The following SCN10A variants were observed in gnomAD, a reference collection of about 807,000 sequenced individuals.
The protein encoded by SCN10A is sodium voltage-gated channel alpha subunit 10.
A neutral mutation model predicts 170.7 loss-of-function variants in SCN10A; 162 were observed. The ratio of observed to expected loss-of-function variants is 0.95; its 90% CI spans 0.84 to 1.08. The LOEUF (loss-of-function observed/expected upper bound fraction) is 1.08. Ranked by LOEUF, SCN10A falls within the 50% of genes least tolerant of loss-of-function variation. SCN10A has a pLI of 0.00. For synonymous variants in SCN10A, 985 were observed against 904.6 expected (o/e 1.09, Z -1.59); for missense variants, 2,527 against 2,436.9 (o/e 1.04, Z -0.78).
At chr3:38,753,542 G>A (rs2063771540) in intron 11 of SCN10A, among the ~76,000 whole-genome samples, 1 of 152,118 alleles carries the variant, frequency 6.6e-6, no homozygotes, top group South Asian at 2.1e-4. Flanking sequence ...GCCTGATCCT[G>A]TTTAGCAACC....
chr3:38,786,385 A>C (rs2064202187), intron 4 of SCN10A, among the ~76,000 whole-genome samples: 1 of 152,010 alleles, frequency 6.6e-6, no homozygotes. Flanking sequence ...AGAACAGAAA[A>C]CCAAACACCG....
At chr3:38,790,514 T>C (rs1245881985) in intron 3 of SCN10A, among the ~76,000 whole-genome samples, 1 of 152,032 alleles carries the variant, frequency 6.6e-6, no homozygotes, top group African/African-American at 2.4e-5. Context: ...CCAGATGTAA[T>C]TCAACCAGAA....
chr3:38,756,780 A>G lies in SCN10A; in HGVS notation c.1184T>C (p.Val395Ala). 3.7e-6 allele frequency: 6 copies of G among 1,614,152 alleles called. No individual in the cohort carries two copies. The highest frequency in any genetic ancestry group is 5.1e-6 in the Non-Finnish European group (6 of 1,180,020). Residue 395 changes from valine to alanine, a missense_variant, in exon 10 of 28, where the codon GTA becomes GCA. Transcript: ENST00000449082. ...CTGCTCCTCATACGCCATGGTGACT[A>G]CAGCCAAGATCAAGTTGACCAGGTA... is the stretch of plus-strand genomic sequence containing the variant. ...SFYLVNLILAVVTMAYEEQNQ... is the reference protein window; with the variant it reads ...SFYLVNLILAAVTMAYEEQNQ...
rs1421981232 is a variant in SCN10A at position 38,698,277 on chromosome 3, G to A, written c.4943C>T (p.Ala1648Val). The A allele has an allele frequency of 6.2e-7, 1 of 1,614,016 alleles. No homozygotes were observed. The highest frequency in any genetic ancestry group is 2.2e-5 in the East Asian group (1 of 44,892). Residue 1648 changes from alanine to valine, a missense_variant, in exon 28 of 28, where the codon GCC becomes GTC. Transcript: ENST00000449082. ...IDDMFNFQTFANSMLCLFQIT... is the reference protein window; with the variant it reads ...IDDMFNFQTFVNSMLCLFQIT... ...CTGGAAGAGGCACAGCATGCTGTTG[G>A]CGAAGGTCTGGAAGTTGAACATGTC...
chr3:38,767,395 A>G (rs12635859), intron 5 of SCN10A, among the ~76,000 whole-genome samples: 30,357 of 151,646 alleles, frequency 0.2, 3,658 homozygotes, highest in East Asian at 0.4. Context: ...CTTTCCTCTT[A>G]GCACTGCTTT....
intron 22 of SCN10A, among the ~76,000 whole-genome samples, chr3:38,712,785 T>C (rs9818087): frequency 0.21 from 32,305 of 152,146 alleles, 3,657 homozygotes; most frequent in African/African-American, 0.27. Context: ...TCTCCTTAAA[T>C]ACCATACATA....
chr3:38,758,850 C>T (rs2063838000), intron 8 of SCN10A, among the ~76,000 whole-genome samples: 1 of 151,994 alleles, frequency 6.6e-6, no homozygotes, highest in Non-Finnish European at 1.5e-5. Context: ...ATGGACCCAA[C>T]AACTTTACCA....
rs749207703 is a variant in SCN10A at position 38,714,065 on chromosome 3, G to A, written c.3697C>T (p.Leu1233Phe). The A allele has an allele frequency of 8.7e-6, 14 of 1,614,214 alleles. No individual in the cohort carries two copies. Among genetic ancestry groups the A allele is most frequent in the Non-Finnish European group, 1.0e-5 (12 of 1,180,038 alleles). Residue 1233 changes from leucine to phenylalanine, a missense_variant, in exon 22 of 28, where the codon CTC becomes TTC. Physicochemically the swap from Leu to Phe is conservative, Grantham distance 22. Transcript: ENST00000449082. ...GAATATTCCAGAATCTTCGCTGTGA[G>A]ACTTATCAGTGAGATCTGAGTGCAG... Reference protein sequence around the residue: ...FLIVNISLISLTAKILEYSEV... With the variant: ...FLIVNISLISFTAKILEYSEV...
chr3:38,764,605 T>C (rs1456099711), intron 5 of SCN10A, among the ~76,000 whole-genome samples: 6 of 152,234 alleles, frequency 3.9e-5, no homozygotes, highest in Admixed American at 3.3e-4. Context: ...ATTTTCTTTA[T>C]GCACTTGTTG....
intron 4 of SCN10A, among the ~76,000 whole-genome samples, chr3:38,778,971 C>T (rs79919374): frequency 0.012 from 1,805 of 152,018 alleles, 23 homozygotes; most frequent in Non-Finnish European, 0.02. Context: ...TACAAAATCT[C>T]CTAAAGAATG....
chr3:38,701,787 A>T, intron 27 of SCN10A, 52 bp downstream of exon 27: 1 of 1,522,712 alleles, frequency 6.6e-7, no homozygotes, highest in Non-Finnish European at 8.8e-7. Flanking sequence ...AGAGCATCCC[A>T]AAGACCCCCA....
chr3:38,757,934 G>A (rs1237540532), intron 8 of SCN10A, among the ~76,000 whole-genome samples: 1 of 152,210 alleles, frequency 6.6e-6, no homozygotes, highest in East Asian at 1.9e-4. Context: ...TCAGCTCAGG[G>A]AGCGTAAAGT....
At chr3:38,804,664 T>C (rs1389808283) in intron 1 of SCN10A, among the ~76,000 whole-genome samples, 4 of 152,094 alleles carry the variant, frequency 2.6e-5, no homozygotes, top group African/African-American at 9.7e-5. Context: ...AGGAAGCACA[T>C]GTAGCTGAAT....
At chr3:38,743,396 T>A (rs187568429) in intron 13 of SCN10A, among the ~76,000 whole-genome samples, 1 of 152,294 alleles carries the variant, frequency 6.6e-6, no homozygotes, top group East Asian at 1.9e-4. Context: ...CAGGTAAACA[T>A]GCTTTAATTA....
chr3:38,712,327 C>A lies in SCN10A; in HGVS notation c.3923G>T (p.Trp1308Leu). 1 of 1,614,208 alleles carries A rather than the reference C, an allele frequency of 6.2e-7. No individual in the cohort carries two copies. The highest frequency in any genetic ancestry group is 8.5e-7 in the Non-Finnish European group (1 of 1,180,038). Reference protein sequence around the residue: ...MGVNLFAGKFWRCINYTDGEF... With the variant: ...MGVNLFAGKFLRCINYTDGEF... ...TCCATCGGTATAGTTGATGCACCTC[C>A]AAAACTTCCCTGCGAAGAGGTTCAC... The change falls in exon 23 of 28, where the codon TGG (tryptophan) becomes TTG (leucine). Residue 1308 changes from tryptophan to leucine, a missense_variant. Transcript: ENST00000449082.
chr3:38,697,091 G>A lies in SCN10A; in HGVS notation c.*258C>T. On this transcript the variant is annotated 3_prime_UTR_variant, in exon 28 of 28. Coordinates refer to ENST00000449082, the MANE Select transcript of SCN10A (RefSeq NM_006514.4). ...AAAAGGACAAGGGATATTTTCTGGA[G>A]AGTAAGAGAACCCATGATCTGATAT... 1 of 520,066 alleles carries A rather than the reference G, an allele frequency of 1.9e-6. No individual in the cohort carries two copies. Among genetic ancestry groups the A allele is most frequent in the Non-Finnish European group, 3.4e-6 (1 of 293,396 alleles). The allele number at this position is 520,066 out of a possible 1,614,324, so 32.2% of individuals were successfully genotyped here.
chr3:38,701,884 C>T lies in SCN10A; in HGVS notation c.4612G>A (p.Gly1538Ser). 6.2e-7 allele frequency: 1 copy of T among 1,613,722 alleles called. No homozygotes were observed. The highest frequency in any genetic ancestry group is 8.5e-7 in the Non-Finnish European group (1 of 1,179,846). ...ACAATGAAGTCAAACACATTCCAGCCATTTGTGAAGTAGTACTGCCTCAAA... is the reference window on the plus strand; with the variant it reads ...ACAATGAAGTCAAACACATTCCAGCTATTTGTGAAGTAGTACTGCCTCAAA... ...FALRQYYFTNGWNVFDFIVVV... is the reference protein window; with the variant it reads ...FALRQYYFTNSWNVFDFIVVV... The change falls in exon 27 of 28, where the codon GGC becomes AGC. Residue 1538 changes from glycine (G) to serine (S), a missense_variant. Transcript: ENST00000449082.
intron 21 of SCN10A, among the ~76,000 whole-genome samples, chr3:38,715,262 G>T (rs2063323148): frequency 6.6e-6 from 1 of 152,102 alleles, no homozygotes; most frequent in South Asian, 2.1e-4. Flanking sequence ...GGGCAGACAG[G>T]TGCTGTGCCT....
chr3:38,757,940 A>G (rs1182485144), intron 8 of SCN10A, among the ~76,000 whole-genome samples: 1 of 152,238 alleles, frequency 6.6e-6, no homozygotes, highest in African/African-American at 2.4e-5. Context: ...CAGGGAGCGT[A>G]AAGTGCTCTC....
Sources: gnomAD v4.1 joint callset for allele counts (sites outside exome capture counted in the v4.1 genomes callset) on GRCh38, gnomAD v4.1.1 for gene constraint, MANE v1.5 for transcripts, NCBI Gene and HGNC (gene_info 2026-07-23, HGNC 2026-07-21) for gene names.